Variants in AZIN2 observed in about 807,000 individuals in gnomAD.
AZIN2 encodes the protein antizyme inhibitor 2, also known as ODC antizyme inhibitor-2.
A neutral mutation model predicts 47.8 loss-of-function variants in AZIN2; 28 were observed. That is an observed-to-expected ratio of 0.59 (90% confidence interval 0.43 to 0.80). The LOEUF (loss-of-function observed/expected upper bound fraction) is 0.80. Among genes scored for constraint, AZIN2 ranks in the 30% least tolerant of loss-of-function variants. The pLI is 0.00. For missense variants in AZIN2, 535 were observed against 582.5 expected (o/e 0.92, Z 0.84); for synonymous variants, 221 against 239.4 (o/e 0.92, Z 0.71).
chr1:33,166,689 T>G, the AZIN2 span, among the ~76,000 whole-genome samples: 1 of 152,150 alleles, frequency 6.6e-6, no homozygotes, highest in Non-Finnish European at 1.5e-5. Flanking sequence ...ACCATGATCT[T>G]GATGCCAGGT....
At position 33,120,119 on chromosome 1, in the gene AZIN2, C is replaced by T. The variant is rs375790317; in HGVS notation, c.1320C>T (p.Cys440=). The change falls in exon 12 of 12, where the codon TGC becomes TGT. Residue 440 remains cysteine (C), a synonymous_variant. Transcript: ENST00000294517. ...DVEGVCKPLS[C]GWEITDTLCV... is the part of the protein sequence containing the mutation. ...AGGGTGTGTGCAAGCCTCTGTCCTG[C>T]GGCTGGGAGATCACAGACACCCTGT... 62 of 1,613,938 alleles carry T rather than the reference C, an allele frequency of 3.8e-5. No homozygotes were observed. The highest frequency in any genetic ancestry group is 8.3e-5 in the Admixed American group (5 of 60,008).
At chr1:33,145,649 G>A in the AZIN2 span, 1 of 303,078 alleles carries the variant, frequency 3.3e-6, no homozygotes, top group Non-Finnish European at 6.5e-6. Context: ...CAGAATCTAG[G>A]CCCCAGGACT....
the AZIN2 span, among the ~76,000 whole-genome samples, chr1:33,157,897 C>T: frequency 6.6e-6 from 1 of 152,100 alleles, no homozygotes; most frequent in Non-Finnish European, 1.5e-5. Flanking sequence ...GCTGGGATTA[C>T]AGGTGCACGC....
chr1:33,126,711 A>ACC (rs58929138), downstream of AZIN2, among the ~76,000 whole-genome samples: 4 of 151,654 alleles, frequency 2.6e-5, no homozygotes, highest in Non-Finnish European at 5.9e-5. Flanking sequence ...GGCACGTAGG[A>ACC]CCCCCCCAAT....
chr1:33,118,255 G>A (rs1430965423), intron 11 of AZIN2, 139 bp downstream of exon 11: 1 of 945,910 alleles, frequency 1.1e-6, no homozygotes, highest in Non-Finnish European at 1.5e-6. Context: ...TGAGGGATGT[G>A]CTTGGCACCT....
rs1187036178 is a variant in AZIN2 at position 33,093,145 on chromosome 1, T to C, written c.453-137T>C. 6 of 1,105,918 alleles carry C rather than the reference T, an allele frequency of 5.4e-6. No homozygotes were observed. The East Asian group carries it at 7.4e-5, about 14-fold the overall frequency. 68.5% of individuals were successfully genotyped at this position (1,105,918 alleles called of 1,614,324 possible). On this transcript the variant is annotated intron_variant, in intron 6 of 11. Coordinates refer to ENST00000294517, the MANE Select transcript of AZIN2 (RefSeq NM_052998.4). Reference sequence around the variant, plus strand: ...AGGACTTGAAGGTTGATTGGCTGTGTAGGGAGAGGGAGGGGTCAGGGAGCC... The same window carrying C: ...AGGACTTGAAGGTTGATTGGCTGTGCAGGGAGAGGGAGGGGTCAGGGAGCC...
chr1:33,132,605 T>G, the AZIN2 span, among the ~76,000 whole-genome samples: 4 of 152,232 alleles, frequency 2.6e-5, no homozygotes, highest in Non-Finnish European at 4.4e-5. Context: ...GGTTAGTTGC[T>G]CCTTCTCTAT....
At chr1:33,166,591 A>C in the AZIN2 span, among the ~76,000 whole-genome samples, 12 of 152,316 alleles carry the variant, frequency 7.9e-5, no homozygotes, top group African/African-American at 2.9e-4. Flanking sequence ...AAAAAGATAC[A>C]GAGAGGTCAA....
chr1:33,106,649 C>T (rs11802438), intron 10 of AZIN2, among the ~76,000 whole-genome samples: 2,894 of 152,178 alleles, frequency 0.019, 77 homozygotes, highest in East Asian at 0.08. Context: ...AATATTACCA[C>T]AATGAAGGAT....
At chr1:33,126,075 TC>T (rs1361142687), downstream of AZIN2, among the ~76,000 whole-genome samples, 1 of 152,210 alleles carries the variant, frequency 6.6e-6, no homozygotes, top group Non-Finnish European at 1.5e-5. Flanking sequence ...CCTTACTTTT[TC>T]CTCCATAGAT....
chr1:33,091,911 A>G, intron 5 of AZIN2, 139 bp from the exon 6 acceptor site: 1 of 804,068 alleles, frequency 1.2e-6, no homozygotes, highest in South Asian at 1.8e-5. Flanking sequence ...ATATCTATGT[A>G]TCTGTTGTCT....
rs1404326723 is a variant in AZIN2 at position 33,120,027 on chromosome 1, C to A, written c.1245-17C>A. On this transcript the variant is annotated splice_polypyrimidine_tract_variant and intron_variant, in intron 11 of 11. Transcript: ENST00000294517. ...GTCCCATGCTGGCTACTTGCAGCACCCCTCTCTCACCCCTAGGGAAGCGCT... is the reference window on the plus strand; with the variant it reads ...GTCCCATGCTGGCTACTTGCAGCACACCTCTCTCACCCCTAGGGAAGCGCT... 1 of 1,613,264 alleles carries A rather than the reference C, an allele frequency of 6.2e-7. No homozygotes were observed. Among genetic ancestry groups the A allele is most frequent in the African/African-American group, 1.3e-5 (1 of 74,904 alleles).
chr1:33,165,293 A>G, the AZIN2 span: 1 of 548,320 alleles, frequency 1.8e-6, no homozygotes, highest in Non-Finnish European at 3.2e-6. This position sits in a 1 kb window ranked among gnomAD's most constrained non-coding sequence, Gnocchi z 4.0. Context: ...GCCCCATTGA[A>G]CTTCACGGAT....
chr1:33,148,974 G>GC, the AZIN2 span, among the ~76,000 whole-genome samples: 1 of 152,066 alleles, frequency 6.6e-6, no homozygotes, highest in Non-Finnish European at 1.5e-5. Flanking sequence ...TCTCACTTCT[G>GC]CCCCCTACCC....
intron 10 of AZIN2, among the ~76,000 whole-genome samples, chr1:33,099,986 G>T (rs1036441803): frequency 6.6e-6 from 1 of 152,060 alleles, no homozygotes; most frequent in East Asian, 1.9e-4. Context: ...TTGCATACCT[G>T]CTCTTCCTTC....
At chr1:33,150,854 G>A in the AZIN2 span, among the ~76,000 whole-genome samples, 1 of 152,160 alleles carries the variant, frequency 6.6e-6, no homozygotes, top group Non-Finnish European at 1.5e-5. Flanking sequence ...ATCACACTCA[G>A]GTGTGACAGT....
chr1:33,147,529 TCCGCCACCA>T, the AZIN2 span: 2 of 1,613,738 alleles, frequency 1.2e-6, no homozygotes, highest in Non-Finnish European at 8.5e-7. The surrounding 1 kb of genome is among the most constrained non-coding windows in gnomAD (Gnocchi z 8.1). Flanking sequence ...CTGGGTCTTC[TCCGCCACCA>T]CCACCTCCCA....
chr1:33,137,600 C>T, the AZIN2 span, among the ~76,000 whole-genome samples: 1 of 152,140 alleles, frequency 6.6e-6, no homozygotes, highest in East Asian at 1.9e-4. Context: ...CTGAGATCCC[C>T]AGAGGGGGGA....
At chr1:33,159,980 G>T in the AZIN2 span, 1 of 1,586,626 alleles carries the variant, frequency 6.3e-7, no homozygotes, top group South Asian at 1.1e-5. This position sits in a 1 kb window ranked among gnomAD's most constrained non-coding sequence, Gnocchi z 4.2. Flanking sequence ...ATGGCTGGGG[G>T]AGCAGATGGG....
Sources: gnomAD v4.1 joint callset for allele counts (sites outside exome capture counted in the v4.1 genomes callset) on GRCh38, gnomAD v4.1.1 for gene constraint, Gnocchi (gnomAD v3.1) non-coding constraint, MANE v1.5 for transcripts, NCBI Gene and HGNC (gene_info 2026-07-23, HGNC 2026-07-21) for gene names.